Variants in HSDL2 observed in about 807,000 individuals in gnomAD.
HSDL2 encodes the protein hydroxysteroid dehydrogenase-like protein 2.
Under a neutral mutation model 46.3 loss-of-function variants are expected in HSDL2, and 27 were observed. The observed-to-expected ratio is 0.58, with a 90% CI of 0.43 to 0.80. The LOEUF (loss-of-function observed/expected upper bound fraction) is 0.80. Ranked by LOEUF, HSDL2 falls within the 30% of genes least tolerant of loss-of-function variation. The pLI is 0.00. For missense variants in HSDL2, 451 were observed against 502.7 expected, an observed-to-expected ratio of 0.90 and a Z score of 0.98; for synonymous variants, 153 against 163.6, an observed-to-expected ratio of 0.94 and a Z score of 0.50.
chr9:112,404,957 A>G (rs1247527594), intron 2 of HSDL2, among the ~76,000 whole-genome samples: 1 of 152,244 alleles, frequency 6.6e-6, no homozygotes, highest in East Asian at 1.9e-4. Context: ...AACTGACAAA[A>G]CTAACAATCG....
chr9:112,418,750 C>T (rs1380331338), intron 5 of HSDL2, 110 bp from the exon 6 acceptor site: 6 of 475,112 alleles, frequency 1.3e-5, no homozygotes, highest in Non-Finnish European at 2.3e-5. Context: ...CATACATGCA[C>T]ACATATATCA....
intron 8 of HSDL2, among the ~76,000 whole-genome samples, chr9:112,447,551 T>A (rs765447197): frequency 3.9e-5 from 6 of 152,204 alleles, no homozygotes; most frequent in Non-Finnish European, 8.8e-5. Flanking sequence ...CTGGTGTAAC[T>A]GCTAAAACGA....
intron 1 of HSDL2, among the ~76,000 whole-genome samples, chr9:112,394,005 A>G (rs1831403919): frequency 6.6e-6 from 1 of 152,212 alleles, no homozygotes; most frequent in East Asian, 1.9e-4. Context: ...TCCACCATAA[A>G]GAAGCAATCT....
chr9:112,381,831 C>A (rs1831105081), intron 1 of HSDL2, among the ~76,000 whole-genome samples: 1 of 152,180 alleles, frequency 6.6e-6, no homozygotes, highest in Non-Finnish European at 1.5e-5. Flanking sequence ...TAGACTGTTT[C>A]CAGTTTTTTG....
chr9:112,392,152 G>T (rs569994182), intron 1 of HSDL2, among the ~76,000 whole-genome samples: 74 of 152,262 alleles, frequency 4.9e-4, no homozygotes, highest in African/African-American at 1.7e-3. Context: ...TCAAAAGAGG[G>T]GGAGGTGTAA....
chr9:112,449,080 G>GTTTTTTT (rs59586435), intron 8 of HSDL2, among the ~76,000 whole-genome samples: 1 of 118,952 alleles, frequency 8.4e-6, no homozygotes. Context: ...TCTTTCCTCT[G>GTTTTTTT]TTTTTTTTTT....
chr9:112,393,873 G>A (rs1418027500), intron 1 of HSDL2, among the ~76,000 whole-genome samples: 1 of 152,176 alleles, frequency 6.6e-6, no homozygotes, highest in Non-Finnish European at 1.5e-5. Context: ...CCCACTAACA[G>A]CATGTAAGGA....
At chr9:112,424,689 A>G (rs1473857624) in intron 6 of HSDL2, among the ~76,000 whole-genome samples, 1 of 152,056 alleles carries the variant, frequency 6.6e-6, no homozygotes, top group Non-Finnish European at 1.5e-5. Context: ...TAGTTGATCC[A>G]TGAACAATGT....
rs567030472 is a variant in HSDL2, at chr9:112,407,104, A to G, written c.280+1382A>G. 2.6e-5 allele frequency among the ~76,000 whole-genome samples: 4 copies of G among 152,324 alleles called. No individual in the cohort carries two copies. In the South Asian group the frequency reaches 8.3e-4, roughly 32 times the overall value. On this transcript the variant is annotated intron_variant, in intron 3 of 10. Transcript: ENST00000398805. ...GACTGAAGCACGGAGCTTTGGCTCA[A>G]GTGGAGCCTCTTCCCTTAAATCCAA...
chr9:112,386,619 C>CAAAA (rs752755307), intron 1 of HSDL2, among the ~76,000 whole-genome samples: 17 of 145,244 alleles, frequency 1.2e-4, no homozygotes, highest in South Asian at 2.2e-4. Context: ...CTGTCTCTAC[C>CAAAA]AAAAAAAAAT....
intron 9 of HSDL2, among the ~76,000 whole-genome samples, chr9:112,458,466 T>C (rs1035238951): frequency 2.0e-5 from 3 of 151,542 alleles, no homozygotes; most frequent in Non-Finnish European, 2.9e-5. Context: ...GCTGGGATTA[T>C]AGGCACTCCC....
chr9:112,419,474 T>G (rs1446258080), intron 6 of HSDL2, among the ~76,000 whole-genome samples: 1 of 152,186 alleles, frequency 6.6e-6, no homozygotes, highest in Non-Finnish European at 1.5e-5. Context: ...GAGTGACTCT[T>G]CAGCCAATAG....
chr9:112,398,098 G>C (rs1438206160), intron 1 of HSDL2, among the ~76,000 whole-genome samples: 1 of 152,138 alleles, frequency 6.6e-6, no homozygotes, highest in Non-Finnish European at 1.5e-5. Context: ...GGTCGGACTG[G>C]TATGAGAGTA....
At chr9:112,438,672 T>C (rs763454689) in intron 7 of HSDL2, 47 bp downstream of exon 7, 1 of 1,128,912 alleles carries the variant, frequency 8.9e-7, no homozygotes, top group South Asian at 1.6e-5. Flanking sequence ...TTTTCCATAT[T>C]TTCTGCAATG....
rs550788535 is a variant in HSDL2 at position 112,397,937 on chromosome 9, G to A, written c.18-6058G>A. ...CTTGAGCACTGGGAGATTCCAGCAC[G>A]ACCGGATAAGCCGACACCTCTAATC... is the stretch of plus-strand genomic sequence containing the variant. On this transcript the variant is annotated intron_variant, in intron 1 of 10. Transcript: ENST00000398805. Among the ~76,000 whole-genome samples the A allele has an allele frequency of 3.9e-3, 587 of 152,238 alleles. 1 individual carries two copies. Among genetic ancestry groups the A allele is most frequent in the Non-Finnish European group, 6.4e-3 (435 of 68,026 alleles).
intron 1 of HSDL2, among the ~76,000 whole-genome samples, chr9:112,385,495 A>T (rs1240011351): frequency 7.6e-5 from 10 of 130,884 alleles, no homozygotes; most frequent in East Asian, 2.2e-4. Flanking sequence ...CACCTGGCTA[A>T]TTTTTTTTTT....
intron 10 of HSDL2, among the ~76,000 whole-genome samples, chr9:112,464,749 A>G (rs1235205753): frequency 6.6e-6 from 1 of 152,216 alleles, no homozygotes; most frequent in Non-Finnish European, 1.5e-5. Flanking sequence ...TGTAAAATTC[A>G]TCTGTTGCTT....
At chr9:112,450,997 T>A (rs1587962850) in intron 8 of HSDL2, among the ~76,000 whole-genome samples, 1 of 151,998 alleles carries the variant, frequency 6.6e-6, no homozygotes, top group East Asian at 1.9e-4. Context: ...GTCTAGGAGT[T>A]CGAGACCAGC....
intron 6 of HSDL2, among the ~76,000 whole-genome samples, chr9:112,432,546 A>G (rs1832431105): frequency 6.6e-6 from 1 of 152,216 alleles, no homozygotes; most frequent in Non-Finnish European, 1.5e-5. Context: ...TAATAGGCAG[A>G]ATGTTCTGTA....
Sources: allele counts gnomAD v4.1 joint callset (sites outside exome capture counted in the v4.1 genomes callset), GRCh38; gene constraint gnomAD v4.1.1; transcripts MANE v1.5; gene names NCBI Gene and HGNC (gene_info 2026-07-23, HGNC 2026-07-21).